The following KCTD16 variants were observed in gnomAD, a reference collection of about 807,000 sequenced individuals.
KCTD16 encodes the protein potassium channel tetramerization domain containing 16, also known as BTB/POZ domain-containing protein KCTD16.
Under a neutral mutation model 33.2 loss-of-function variants are expected in KCTD16, and 13 were observed. That is an observed-to-expected ratio of 0.39 (90% confidence interval 0.25 to 0.62). The LOEUF is 0.62. KCTD16 is among the 20% of genes least tolerant of loss of function. KCTD16 has a pLI of 0.50. For synonymous variants in KCTD16, 197 were observed against 195.3 expected (o/e 1.01, Z -0.07); for missense variants, 441 against 525.1 (o/e 0.84, Z 1.57).
chr5:144,216,166 G>T (rs60851385), intron 3 of KCTD16, among the ~76,000 whole-genome samples: 1,778 of 152,306 alleles, frequency 0.012, 46 homozygotes, highest in East Asian at 0.098. Context: ...AGCCTAGAGA[G>T]TATTCCCTTT....
At chr5:144,302,909 G>C (rs544361290) in intron 3 of KCTD16, among the ~76,000 whole-genome samples, 2 of 152,284 alleles carry the variant, frequency 1.3e-5, no homozygotes, top group South Asian at 2.1e-4. Context: ...CCTTTGGGTT[G>C]GCTGTAAGCA....
At chr5:144,332,134 A>T (rs39809) in intron 3 of KCTD16, among the ~76,000 whole-genome samples, 37,987 of 152,164 alleles carry the variant, frequency 0.25, 4,902 homozygotes, top group Non-Finnish European at 0.28. Context: ...GAGTAAAATG[A>T]CATAAAAATA....
At chr5:144,464,922 T>C (rs1039114182) in intron 3 of KCTD16, among the ~76,000 whole-genome samples, 1 of 152,190 alleles carries the variant, frequency 6.6e-6, no homozygotes, top group African/African-American at 2.4e-5. Context: ...CCCAAAAATA[T>C]ATGCATTTTA....
intron 3 of KCTD16, among the ~76,000 whole-genome samples, chr5:144,347,485 C>T (rs2126904740): frequency 6.6e-6 from 1 of 152,228 alleles, no homozygotes; most frequent in South Asian, 2.1e-4. Context: ...ATCCCAGCTA[C>T]TTGGGAGGCT....
At chr5:144,221,144 A>G (rs1414451033) in intron 3 of KCTD16, among the ~76,000 whole-genome samples, 3 of 152,176 alleles carry the variant, frequency 2.0e-5, no homozygotes, top group African/African-American at 7.2e-5. Context: ...AATACCACAT[A>G]TGTAAAGTGG....
intron 3 of KCTD16, among the ~76,000 whole-genome samples, chr5:144,360,132 A>G (rs244521): frequency 0.34 from 51,890 of 151,862 alleles, 9,725 homozygotes; most frequent in African/African-American, 0.5. Context: ...TGGGATACAT[A>G]TACAGAATGT....
intron 3 of KCTD16, among the ~76,000 whole-genome samples, chr5:144,228,997 A>G (rs528156851): frequency 1.3e-4 from 20 of 152,340 alleles, no homozygotes; most frequent in African/African-American, 4.8e-4. Flanking sequence ...AGAGTGAATA[A>G]ACTAGGGAAA....
intron 3 of KCTD16, among the ~76,000 whole-genome samples, chr5:144,410,757 T>A (rs866633666): frequency 2.0e-5 from 3 of 152,120 alleles, no homozygotes; most frequent in Admixed American, 6.6e-5. Flanking sequence ...ATATATATAT[T>A]TTTTGCCTGA....
At chr5:144,268,320 T>C (rs1258302716) in intron 3 of KCTD16, among the ~76,000 whole-genome samples, 1 of 152,222 alleles carries the variant, frequency 6.6e-6, no homozygotes, top group Admixed American at 6.5e-5. Flanking sequence ...CATCGCGCTA[T>C]TGTTGACAGC....
At chr5:144,306,607 T>A (rs1390993551) in intron 3 of KCTD16, among the ~76,000 whole-genome samples, 1 of 152,190 alleles carries the variant, frequency 6.6e-6, no homozygotes, top group Non-Finnish European at 1.5e-5. Context: ...ACTAAGTGAC[T>A]TTCCCCTGGG....
intron 2 of KCTD16, among the ~76,000 whole-genome samples, chr5:144,191,458 T>C (rs542481136): frequency 7.1e-6 from 1 of 140,128 alleles, no homozygotes; most frequent in Non-Finnish European, 1.6e-5. Flanking sequence ...CCTGACACAC[T>C]TACACACATA....
rs5871876 is a variant in KCTD16, at chr5:144,310,037, GTT to G, written c.832+102501_832+102502del. ...TTTTAAGCCAGCAGAAACACAAGTT[GTT>G]TTTTTTTTTAAATACTGTGTTGCCT... On this transcript the variant is annotated intron_variant, in intron 3 of 3. Transcript: ENST00000512467. Among the ~76,000 whole-genome samples, 140 of 147,302 alleles carry G rather than the reference GTT, an allele frequency of 9.5e-4. 2 individuals carry two copies. The highest frequency in any genetic ancestry group is 3.4e-3 in the African/African-American group (136 of 40,512).
intron 3 of KCTD16, among the ~76,000 whole-genome samples, chr5:144,354,127 T>C (rs954773007): frequency 1.3e-5 from 2 of 152,068 alleles, no homozygotes; most frequent in African/African-American, 4.8e-5. Flanking sequence ...TAGTAGATAA[T>C]AAAAATATGT....
intron 3 of KCTD16, among the ~76,000 whole-genome samples, chr5:144,319,559 A>AT (rs907352788): frequency 6.6e-6 from 1 of 152,168 alleles, no homozygotes; most frequent in Non-Finnish European, 1.5e-5. Context: ...AACAACATGC[A>AT]TTTTTTGAAG....
Position 144,354,948 on chromosome 5 carries a change from G to A in KCTD16, c.833-118712G>A, listed in dbSNP as rs543410284. ...TAGCTAATAATAGCTAACATTTATG[G>A]AGAACTTGATATGTGTTAGACCCTT... On this transcript the variant is annotated intron_variant, in intron 3 of 3. Transcript: ENST00000512467. 1.6e-4 allele frequency among the ~76,000 whole-genome samples: 25 copies of A among 152,224 alleles called. No homozygotes were observed. In the South Asian group the frequency reaches 5.0e-3, roughly 30 times the overall value.
chr5:144,290,930 T>C (rs1354134110), intron 3 of KCTD16, among the ~76,000 whole-genome samples: 1 of 152,252 alleles, frequency 6.6e-6, no homozygotes, highest in East Asian at 1.9e-4. Context: ...TATTAACTTA[T>C]TTATAACCTT....
chr5:144,461,466 T>C (rs1754194027), intron 3 of KCTD16, among the ~76,000 whole-genome samples: 1 of 152,230 alleles, frequency 6.6e-6, no homozygotes, highest in Non-Finnish European at 1.5e-5. Context: ...CTGATATCTG[T>C]AACTTCTACC....
intron 3 of KCTD16, among the ~76,000 whole-genome samples, chr5:144,318,670 G>A (rs982085209): frequency 9.2e-5 from 14 of 152,054 alleles, no homozygotes; most frequent in African/African-American, 3.4e-4. Flanking sequence ...CTGCCTGACC[G>A]CTAGAACTTA....
At chr5:144,301,435 A>T (rs192407726) in intron 3 of KCTD16, among the ~76,000 whole-genome samples, 1 of 152,240 alleles carries the variant, frequency 6.6e-6, no homozygotes, top group Non-Finnish European at 1.5e-5. Context: ...AGAGATGGTG[A>T]ATTCTTAAAT....
Sources: allele counts gnomAD v4.1 joint callset (sites outside exome capture counted in the v4.1 genomes callset), GRCh38; gene constraint gnomAD v4.1.1; transcripts MANE v1.5; gene names NCBI Gene and HGNC (gene_info 2026-07-23, HGNC 2026-07-21).